The following SPATA13 variants were observed in gnomAD, a reference collection of about 807,000 sequenced individuals.
SPATA13 encodes the protein spermatogenesis associated 13, also known as spermatogenesis-associated protein 13.
A neutral mutation model predicts 104.0 loss-of-function variants in SPATA13; 50 were observed. The ratio of observed to expected loss-of-function variants is 0.48; its 90% CI spans 0.38 to 0.61. SPATA13 has a LOEUF of 0.61. SPATA13 is among the 20% of genes least tolerant of loss of function. SPATA13 has a pLI of 0.00. For missense variants in SPATA13, 1,524 were observed against 1,690.6 expected, an observed-to-expected ratio of 0.90 and a Z score of 1.73; for synonymous variants, 606 against 667.5, an observed-to-expected ratio of 0.91 and a Z score of 1.42.
intron 2 of SPATA13, among the ~76,000 whole-genome samples, chr13:24,013,727 C>T (rs964512807): frequency 1.3e-5 from 2 of 149,076 alleles, no homozygotes; most frequent in African/African-American, 2.5e-5. Context: ...TTTTTTGCCC[C>T]AGAAGACCAG....
chr13:24,017,487 G>A (rs1053220307), intron 2 of SPATA13, among the ~76,000 whole-genome samples: 1 of 152,146 alleles, frequency 6.6e-6, no homozygotes, highest in African/African-American at 2.4e-5. Context: ...AGATGTATGT[G>A]TGTCTGTGTT....
intron 9 of SPATA13, among the ~76,000 whole-genome samples, chr13:24,292,601 G>A (rs1249735112): frequency 2.0e-5 from 3 of 152,168 alleles, no homozygotes; most frequent in Non-Finnish European, 2.9e-5. Context: ...AACCACAACA[G>A]TTCTGGGTTT....
chr13:24,297,925 G>A (rs1281994161), intron 11 of SPATA13, among the ~76,000 whole-genome samples, 190 bp downstream of exon 11: 2 of 152,230 alleles, frequency 1.3e-5, no homozygotes, highest in Non-Finnish European at 2.9e-5. Flanking sequence ...GTCAGATGTA[G>A]TTACTACCGG....
chr13:24,207,527 T>A (rs1870770502), intron 1 of SPATA13, among the ~76,000 whole-genome samples: 1 of 148,370 alleles, frequency 6.7e-6, no homozygotes, highest in African/African-American at 2.5e-5. Context: ...GTGGCTGCAC[T>A]ATTTCACATT....
chr13:24,103,545 G>A (rs1295470860), intron 3 of SPATA13, among the ~76,000 whole-genome samples: 2 of 146,006 alleles, frequency 1.4e-5, no homozygotes, highest in African/African-American at 5.1e-5. Flanking sequence ...AGAGAGAGAA[G>A]AGAGAGAGAG....
intron 3 of SPATA13, among the ~76,000 whole-genome samples, chr13:24,060,449 C>T (rs1323365794): frequency 6.6e-6 from 1 of 152,208 alleles, no homozygotes; most frequent in East Asian, 1.9e-4. Flanking sequence ...GGATTAAAAA[C>T]TTAAATGTAA....
At chr13:24,077,700 C>T (rs75189966) in intron 3 of SPATA13, among the ~76,000 whole-genome samples, 8,886 of 152,116 alleles carry the variant, frequency 0.058, 287 homozygotes, top group Middle Eastern at 0.11. Flanking sequence ...TATTATAGAG[C>T]GGCACACACT....
chr13:24,156,341 T>C (rs1489707375), upstream of SPATA13, among the ~76,000 whole-genome samples: 1 of 152,110 alleles, frequency 6.6e-6, no homozygotes, highest in Non-Finnish European at 1.5e-5. Context: ...CCCATTCGTA[T>C]TCCCCCCTCC....
chr13:24,041,973 G>A (rs1426593075), intron 3 of SPATA13, among the ~76,000 whole-genome samples: 2 of 152,198 alleles, frequency 1.3e-5, no homozygotes, highest in African/African-American at 4.8e-5. Flanking sequence ...GAAAAATGTT[G>A]CCTAAAGCCT....
In SPATA13 at chr13:24,189,758, T is replaced by A. The variant is rs1263352420; in HGVS notation, c.-112+28826T>A. Among the ~76,000 whole-genome samples the A allele has an allele frequency of 3.1e-5, 2 of 64,620 alleles. 1 individual carries two copies. The highest frequency in any genetic ancestry group is 8.5e-4 in the East Asian group (2 of 2,340). 42.4% of individuals were successfully genotyped at this position (64,620 alleles called of 152,430 possible). On this transcript the variant is annotated intron_variant, in intron 1 of 12. Transcript: ENST00000382108. ...ATATTATATATAAAAGCATATATAA[T>A]ATATAATATATTATAAATATATTTA...
intron 1 of SPATA13, among the ~76,000 whole-genome samples, chr13:24,198,631 A>T (rs1870224467): frequency 6.6e-6 from 1 of 152,152 alleles, no homozygotes. Flanking sequence ...TGTTGATTGG[A>T]ATTTAAAACT....
At chr13:24,258,512 C>CA (rs879679347) in intron 4 of SPATA13, among the ~76,000 whole-genome samples, 4 of 151,626 alleles carry the variant, frequency 2.6e-5, no homozygotes, top group African/African-American at 9.7e-5. Context: ...ACTAAAAATA[C>CA]AAAAAAATTA....
intron 4 of SPATA13, chr13:24,278,572 C>T (rs1875190428): frequency 1.9e-5 from 26 of 1,340,232 alleles, no homozygotes; most frequent in Non-Finnish European, 2.5e-5. Flanking sequence ...GCTACCACGC[C>T]CAGCCACATC....
At chr13:24,173,977 A>T (rs927960543) in intron 1 of SPATA13, among the ~76,000 whole-genome samples, 1 of 152,230 alleles carries the variant, frequency 6.6e-6, no homozygotes, top group Non-Finnish European at 1.5e-5. Flanking sequence ...TATCACCTTC[A>T]TAAAATGAGT....
At chr13:24,105,064 C>A (rs937475175) in intron 3 of SPATA13, among the ~76,000 whole-genome samples, 2 of 152,180 alleles carry the variant, frequency 1.3e-5, no homozygotes, top group African/African-American at 4.8e-5. Context: ...CTGAACTCCA[C>A]ACATTTTATT....
chr13:24,177,971 C>T (rs1868535760), intron 1 of SPATA13, among the ~76,000 whole-genome samples: 1 of 152,156 alleles, frequency 6.6e-6, no homozygotes, highest in South Asian at 2.1e-4. Context: ...ATCCTCCTGC[C>T]TCAGCCTCCC....
intron 3 of SPATA13, among the ~76,000 whole-genome samples, chr13:24,065,599 C>A (rs1046169813): frequency 4.9e-4 from 16 of 32,418 alleles, no homozygotes; most frequent in South Asian, 0.01. Context: ...AATATAAGCT[C>A]CTCACAAGAC....
chr13:24,126,347 G>A (rs1325531197), intron 3 of SPATA13, among the ~76,000 whole-genome samples: 1 of 152,142 alleles, frequency 6.6e-6, no homozygotes, highest in Non-Finnish European at 1.5e-5. Context: ...GGACTCACAA[G>A]CAGATCTTGG....
At chr13:24,296,157 AAC>A (rs1235550014) in intron 10 of SPATA13, among the ~76,000 whole-genome samples, 2 of 152,232 alleles carry the variant, frequency 1.3e-5, no homozygotes, top group African/African-American at 2.4e-5. Flanking sequence ...ATTGGAGAGA[AAC>A]ACATACATTT....
Sources: gnomAD v4.1 joint callset for allele counts (sites outside exome capture counted in the v4.1 genomes callset) on GRCh38, gnomAD v4.1.1 for gene constraint, MANE v1.5 for transcripts, NCBI Gene and HGNC (gene_info 2026-07-23, HGNC 2026-07-21) for gene names.